STK32B: variants seen among roughly 807,000 people sequenced by gnomAD.
STK32B encodes serine/threonine-protein kinase 32B.
Under a neutral mutation model 52.6 loss-of-function variants are expected in STK32B, and 43 were observed. That is an observed-to-expected ratio of 0.82 (90% CI 0.64 to 1.05). STK32B has a LOEUF of 1.05. Among genes scored for constraint, STK32B ranks in the 50% least tolerant of loss-of-function variants. The probability of loss-of-function intolerance (pLI) is 0.00; values close to 1 mark genes in which losing one functional copy is unlikely to be tolerated. For missense variants in STK32B, 621 were observed against 534.6 expected (o/e 1.16, Z -1.59); for synonymous variants, 238 against 204.3 (o/e 1.17, Z -1.41).
chr4:5,223,593 C>G (rs1235893637), intron 3 of STK32B, among the ~76,000 whole-genome samples: 1 of 151,856 alleles, frequency 6.6e-6, no homozygotes, highest in Non-Finnish European at 1.5e-5. Context: ...GCGGGCGAAT[C>G]ACGAGGTCAG....
intron 11 of STK32B, among the ~76,000 whole-genome samples, chr4:5,498,110 G>A (rs1720443999): frequency 6.6e-6 from 1 of 152,156 alleles, no homozygotes; most frequent in Non-Finnish European, 1.5e-5. Flanking sequence ...CATAACTCAA[G>A]TAGACAGTGT....
intron 4 of STK32B, among the ~76,000 whole-genome samples, chr4:5,362,573 C>G (rs1004933932): frequency 6.6e-6 from 1 of 152,206 alleles, no homozygotes; most frequent in Non-Finnish European, 1.5e-5. Context: ...TGGAACAGCC[C>G]TGAGATTAGC....
At chr4:5,372,225 T>G (rs1735289734) in intron 4 of STK32B, among the ~76,000 whole-genome samples, 1 of 152,142 alleles carries the variant, frequency 6.6e-6, no homozygotes. Context: ...GAACAGTAAA[T>G]GTGGAAACAG....
In STK32B at chr4:5,283,860, C is replaced by G. The variant is rs73794520; in HGVS notation, c.261-47360C>G. ...TTTGTTTGTTTGTTTGTTTTTTAAG[C>G]TGAAACAAAAGGCCACTAACTAAAA... On this transcript the variant is annotated intron_variant, in intron 3 of 11. Coordinates refer to ENST00000282908, the MANE Select transcript of STK32B (RefSeq NM_018401.3). Among the ~76,000 whole-genome samples, 984 of 151,882 alleles carry G rather than the reference C, an allele frequency of 6.5e-3. 20 individuals carry two copies. Among genetic ancestry groups the G allele is most frequent in the Middle Eastern group, 0.017 (5 of 294 alleles).
At position 5,051,846 on chromosome 4, in the gene STK32B, C is replaced by A. The variant is rs1465243535; in HGVS notation, c.-18C>A. 3 of 1,591,640 alleles carry A rather than the reference C, an allele frequency of 1.9e-6. No individual in the cohort carries two copies. The highest frequency in any genetic ancestry group is 2.7e-5 in the African/African-American group (2 of 74,084). ...ATCCCAGCGGCCGGGCATGTAGCAG[C>A]GGCAGCAACGGCGGAATATGGGCGG... On this transcript the variant is annotated 5_prime_UTR_variant, in exon 1 of 12. Coordinates refer to ENST00000282908, the MANE Select transcript of STK32B (RefSeq NM_018401.3).
chr4:5,131,522 A>C (rs1336551407), intron 1 of STK32B, among the ~76,000 whole-genome samples: 2 of 152,118 alleles, frequency 1.3e-5, no homozygotes, highest in Non-Finnish European at 2.9e-5. Context: ...CCCTTACCCC[A>C]GCCTGTGAAG....
intron 3 of STK32B, among the ~76,000 whole-genome samples, chr4:5,221,632 CT>C (rs1723544017): frequency 1.3e-5 from 2 of 151,992 alleles, no homozygotes; most frequent in Admixed American, 6.6e-5. Context: ...AGTGTGTGCC[CT>C]CAAAAATTCA....
At position 5,289,685 on chromosome 4, in the gene STK32B, ATTTTTT is replaced by A. The variant is rs56211807; in HGVS notation, c.261-41510_261-41505del. ...AGGCACCCACCACCATGCCCGGCTAATTTTTTTTTTTTTTTTTTTTTTTTTTTTTTG... is the reference window on the plus strand; with the variant it reads ...AGGCACCCACCACCATGCCCGGCTAATTTTTTTTTTTTTTTTTTTTTTTTG... On this transcript the variant is annotated intron_variant, in intron 3 of 11. Coordinates refer to ENST00000282908, the MANE Select transcript of STK32B (RefSeq NM_018401.3). 1.4e-4 allele frequency among the ~76,000 whole-genome samples: 12 copies of A among 86,880 alleles called. 1 individual carries two copies. Among genetic ancestry groups the A allele is most frequent in the East Asian group, 1.1e-3 (3 of 2,828 alleles). The allele number at this position is 86,880 out of a possible 152,430, so 57.0% of individuals were successfully genotyped here.
intron 11 of STK32B, among the ~76,000 whole-genome samples, chr4:5,484,078 G>A (rs1267208823): frequency 6.6e-6 from 1 of 152,194 alleles, no homozygotes; most frequent in Non-Finnish European, 1.5e-5. Context: ...ATTTGGGGTG[G>A]AGAGTTCTGT....
intron 2 of STK32B, among the ~76,000 whole-genome samples, chr4:5,164,557 C>T (rs1718719376): frequency 6.6e-6 from 1 of 152,234 alleles, no homozygotes. Context: ...AGATTTATTT[C>T]TCCCAGTTCT....
At chr4:5,120,409 G>A (rs76912994) in intron 1 of STK32B, among the ~76,000 whole-genome samples, 1 of 152,030 alleles carries the variant, frequency 6.6e-6, no homozygotes, top group African/African-American at 2.4e-5. Flanking sequence ...TTTGAAAGAG[G>A]GAGAAAGCAT....
At chr4:5,111,112 A>G (rs1373271445) in intron 1 of STK32B, among the ~76,000 whole-genome samples, 1 of 152,170 alleles carries the variant, frequency 6.6e-6, no homozygotes, top group Admixed American at 6.5e-5. Context: ...GTCAAAAACA[A>G]CAGATGTTGA....
intron 1 of STK32B, among the ~76,000 whole-genome samples, chr4:5,053,312 T>TG (rs1356797994): frequency 6.6e-6 from 1 of 152,102 alleles, no homozygotes; most frequent in Non-Finnish European, 1.5e-5. Flanking sequence ...GTCTGGAGCA[T>TG]GTGCAGGTGA....
intron 3 of STK32B, among the ~76,000 whole-genome samples, chr4:5,329,708 C>T (rs1056500022): frequency 3.9e-5 from 6 of 152,192 alleles, no homozygotes; most frequent in African/African-American, 7.2e-5. Flanking sequence ...AGTAGGTGTT[C>T]CATAAGCCTC....
intron 4 of STK32B, among the ~76,000 whole-genome samples, chr4:5,381,568 G>A (rs956110799): frequency 2.6e-5 from 4 of 152,216 alleles, no homozygotes; most frequent in Non-Finnish European, 5.9e-5. Context: ...CATGCTAGGG[G>A]CTGGCCATCT....
At chr4:5,490,914 T>C (rs1186446132) in intron 11 of STK32B, among the ~76,000 whole-genome samples, 1 of 152,234 alleles carries the variant, frequency 6.6e-6, no homozygotes, top group African/African-American at 2.4e-5. Context: ...CATCATTTTT[T>C]ATGGCTGCAT....
chr4:5,409,207 G>T (rs1170327276), intron 5 of STK32B, among the ~76,000 whole-genome samples: 1 of 152,104 alleles, frequency 6.6e-6, no homozygotes, highest in Non-Finnish European at 1.5e-5. Context: ...AACCCTTGCT[G>T]CAAGAGAGTT....
chr4:5,189,216 G>A (rs1181021468), intron 3 of STK32B, among the ~76,000 whole-genome samples: 1 of 152,152 alleles, frequency 6.6e-6, no homozygotes, highest in African/African-American at 2.4e-5. Flanking sequence ...TATACATTCT[G>A]TAGGTGTGGA....
Position 5,396,148 on chromosome 4 carries a change from C to T in STK32B, c.435-2059C>T, listed in dbSNP as rs544047839. Among the ~76,000 whole-genome samples, 30 of 152,344 alleles carry T rather than the reference C, an allele frequency of 2.0e-4. No individual in the cohort carries two copies. The highest frequency in any genetic ancestry group is 3.5e-4 in the Non-Finnish European group (24 of 68,032). ...TTAAAACAATACAAATTTATTCTCT[C>T]ATAATTCCGGCCAGAAGTCCAAAAT... On this transcript the variant is annotated intron_variant, in intron 4 of 11. Transcript: ENST00000282908. The surrounding 1 kb of genome is among the most constrained non-coding windows in gnomAD (Gnocchi z 4.7).
Sources: allele counts gnomAD v4.1 joint callset (sites outside exome capture counted in the v4.1 genomes callset), GRCh38; gene constraint gnomAD v4.1.1; non-coding constraint Gnocchi (gnomAD v3.1); transcripts MANE v1.5; gene names NCBI Gene and HGNC (gene_info 2026-07-23, HGNC 2026-07-21).